KCNIP4: variants seen among roughly 807,000 people sequenced by gnomAD.
The protein encoded by KCNIP4 is Kv channel-interacting protein 4.
KCNIP4 carries 12 observed loss-of-function variants against 34.0 expected under a neutral mutation model. The observed-to-expected ratio is 0.35, with a 90% CI of 0.23 to 0.57. KCNIP4 has a LOEUF of 0.57. Ranked by LOEUF, KCNIP4 falls within the 20% of genes least tolerant of loss-of-function variation. KCNIP4 has a pLI of 0.83. For missense variants in KCNIP4, 238 were observed against 311.7 expected, an observed-to-expected ratio of 0.76 and a Z score of 1.78; for synonymous variants, 124 against 102.2, an observed-to-expected ratio of 1.21 and a Z score of -1.29.
Position 21,773,754 on chromosome 4 carries a change from T to TTTG in KCNIP4, c.61+174816_61+174817insCAA, listed in dbSNP as rs1560704030. Among the ~76,000 whole-genome samples the TTTG allele has an allele frequency of 1.2e-3, 176 of 143,914 alleles. 2 individuals are homozygous for TTTG. The highest frequency in any genetic ancestry group is 4.8e-3 in the African/African-American group (166 of 34,236). 94.4% of individuals were successfully genotyped at this position (143,914 alleles called of 152,430 possible). On this transcript the variant is annotated intron_variant, in intron 1 of 8. Coordinates refer to ENST00000382152, the MANE Select transcript of KCNIP4 (RefSeq NM_025221.6). ...CCTGTTTTTTTTTGTTGTTTTTTTT[T>TTTG]TTTTGTTTGTTTGTTTTTGTTTTGT...
intron 1 of KCNIP4, among the ~76,000 whole-genome samples, chr4:21,068,356 C>T (rs372057826): frequency 3.9e-5 from 6 of 152,266 alleles, no homozygotes; most frequent in South Asian, 2.1e-4. Flanking sequence ...TAAAGTTTAT[C>T]AAGTCATCAC....
intron 1 of KCNIP4, chr4:21,850,084 C>A (rs1362842073): frequency 2.0e-5 from 3 of 151,780 alleles, no homozygotes; most frequent in African/African-American, 7.3e-5. Flanking sequence ...GTGAGATAAA[C>A]AGCAAAATCT....
intron 1 of KCNIP4, among the ~76,000 whole-genome samples, chr4:21,585,147 G>A (rs1341675630): frequency 1.3e-5 from 2 of 151,960 alleles, no homozygotes; most frequent in African/African-American, 4.8e-5. Flanking sequence ...CCAGTGCTGG[G>A]GTAAGCATTT....
intron 1 of KCNIP4, among the ~76,000 whole-genome samples, chr4:21,530,037 T>G (rs1186019656): frequency 1.3e-5 from 2 of 152,192 alleles, no homozygotes; most frequent in African/African-American, 4.8e-5. Flanking sequence ...CACTTTGTAG[T>G]GCGCTGTATA....
At chr4:21,041,420 T>C (rs1741954651) in intron 1 of KCNIP4, among the ~76,000 whole-genome samples, 2 of 152,154 alleles carry the variant, frequency 1.3e-5, no homozygotes, top group Non-Finnish European at 2.9e-5. Context: ...CTCAGGCAGT[T>C]TCAAACTTAA....
In KCNIP4 at chr4:21,301,538, A is replaced by C. The variant is rs555919354; in HGVS notation, c.62-418829T>G. Among the ~76,000 whole-genome samples, 312 of 152,314 alleles carry C rather than the reference A, an allele frequency of 2.0e-3. 1 individual carries two copies. The highest frequency in any genetic ancestry group is 3.5e-3 in the Non-Finnish European group (236 of 68,014). On this transcript the variant is annotated intron_variant, in intron 1 of 8. Coordinates refer to ENST00000382152, the MANE Select transcript of KCNIP4 (RefSeq NM_025221.6). Reference sequence around the variant, plus strand: ...AGACAGAAATAAGAAAGGTGAAATAAATCATTATCTTCTGAACTTAGACAT... The same window carrying C: ...AGACAGAAATAAGAAAGGTGAAATACATCATTATCTTCTGAACTTAGACAT...
intron 1 of KCNIP4, among the ~76,000 whole-genome samples, chr4:21,025,559 T>TTTG (rs1560656609): frequency 8.1e-6 from 1 of 122,796 alleles, no homozygotes; most frequent in African/African-American, 3.3e-5. Context: ...TTTTTTTTTT[T>TTTG]TTTTTTTTTT....
intron 1 of KCNIP4, among the ~76,000 whole-genome samples, chr4:21,000,448 G>T (rs1056618158): frequency 6.6e-6 from 1 of 152,148 alleles, no homozygotes; most frequent in African/African-American, 2.4e-5. Context: ...ATTTTGGGAG[G>T]CCGAGGCAGG....
chr4:21,200,339 CATACATATATGTGTGTATATATATAT>C (rs1756387411), intron 1 of KCNIP4, among the ~76,000 whole-genome samples: 5 of 111,588 alleles, frequency 4.5e-5, no homozygotes, highest in African/African-American at 2.7e-4. Context: ...TATATATATA[CATACATATATGTGTGTATATATATAT>C]ACATACATAT....
intron 1 of KCNIP4, among the ~76,000 whole-genome samples, chr4:20,965,693 T>C (rs1223175711): frequency 6.6e-6 from 1 of 152,226 alleles, no homozygotes; most frequent in Non-Finnish European, 1.5e-5. Flanking sequence ...TGTGTGTATT[T>C]GAAATATATT....
In KCNIP4 at chr4:21,806,356, G is replaced by T. The variant is rs192394703; in HGVS notation, c.61+142215C>A. Among the ~76,000 whole-genome samples, 44 of 152,260 alleles carry T rather than the reference G, an allele frequency of 2.9e-4. 1 individual carries two copies. In the East Asian group the frequency reaches 6.7e-3, roughly 23 times the overall value. On this transcript the variant is annotated intron_variant, in intron 1 of 8. Coordinates refer to ENST00000382152, the MANE Select transcript of KCNIP4 (RefSeq NM_025221.6). Reference sequence around the variant, plus strand: ...TTTCCATCTTGCCGTTTACAATTCTGTATTTATTTGAATTATTTCAACAGT... The same window carrying T: ...TTTCCATCTTGCCGTTTACAATTCTTTATTTATTTGAATTATTTCAACAGT...
chr4:21,309,973 C>T (rs1448713163), intron 1 of KCNIP4, among the ~76,000 whole-genome samples: 3 of 151,784 alleles, frequency 2.0e-5, no homozygotes, highest in African/African-American at 7.3e-5. Context: ...TTTTTCTTTT[C>T]ATAGGAAAGG....
intron 1 of KCNIP4, among the ~76,000 whole-genome samples, chr4:21,732,895 CTCT>C (rs1251167329): frequency 6.6e-6 from 1 of 152,088 alleles, no homozygotes; most frequent in Non-Finnish European, 1.5e-5. Flanking sequence ...CAAAATATTG[CTCT>C]TCTATTTCTG....
At chr4:21,307,645 C>T (rs777937521) in intron 1 of KCNIP4, among the ~76,000 whole-genome samples, 3 of 152,164 alleles carry the variant, frequency 2.0e-5, no homozygotes, top group Non-Finnish European at 4.4e-5. Context: ...AATGAATAAT[C>T]TGATTGATAT....
intron 1 of KCNIP4, among the ~76,000 whole-genome samples, chr4:21,178,982 A>G (rs899253031): frequency 2.6e-4 from 39 of 151,804 alleles, no homozygotes; most frequent in Non-Finnish European, 8.8e-5. Context: ...ATGCCCAGCT[A>G]ATTTTTGTGT....
chr4:21,671,761 G>C (rs1577809505), intron 1 of KCNIP4, among the ~76,000 whole-genome samples: 1 of 152,152 alleles, frequency 6.6e-6, no homozygotes, highest in Non-Finnish European at 1.5e-5. Context: ...GCCCACGTTG[G>C]AGGAAAACTA....
rs1261643115 is a variant in KCNIP4 at position 21,177,887 on chromosome 4, C to T, written c.62-295178G>A. ...ATATATATATATATATAAAATATAA[C>T]ATTTAAAAAGAAAAATTTAAACAAA... On this transcript the variant is annotated intron_variant, in intron 1 of 8. Transcript: ENST00000382152. Among the ~76,000 whole-genome samples the T allele has an allele frequency of 1.3e-3, 189 of 144,554 alleles. 3 individuals are homozygous for T. The highest frequency in any genetic ancestry group is 4.9e-3 in the African/African-American group (181 of 37,190). 94.8% of individuals were successfully genotyped at this position (144,554 alleles called of 152,430 possible).
intron 1 of KCNIP4, among the ~76,000 whole-genome samples, chr4:21,602,222 T>C (rs1577674285): frequency 6.6e-6 from 1 of 152,256 alleles, no homozygotes; most frequent in Admixed American, 6.5e-5. Context: ...ACAGCATTGA[T>C]CACATCTAGG....
At chr4:21,105,037 C>T (rs1748375154) in intron 1 of KCNIP4, among the ~76,000 whole-genome samples, 1 of 151,672 alleles carries the variant, frequency 6.6e-6, no homozygotes, top group African/African-American at 2.4e-5. Flanking sequence ...GTGATGCTTC[C>T]AGCTTTGTTC....
Sources: allele counts gnomAD v4.1 joint callset (sites outside exome capture counted in the v4.1 genomes callset), GRCh38; gene constraint gnomAD v4.1.1; transcripts MANE v1.5; gene names NCBI Gene and HGNC (gene_info 2026-07-23, HGNC 2026-07-21).